The following LRMDA variants were observed in gnomAD, a reference collection of about 807,000 sequenced individuals.
The protein encoded by LRMDA is leucine-rich melanocyte differentiation-associated protein.
A neutral mutation model predicts 29.8 loss-of-function variants in LRMDA; 18 were observed. The observed-to-expected ratio is 0.60, with a 90% CI of 0.42 to 0.90. The LOEUF (loss-of-function observed/expected upper bound fraction) is 0.90, where lower values mean the gene tolerates loss of function less well. LRMDA is among the 40% of genes least tolerant of loss of function. The pLI is 0.00. For synonymous variants in LRMDA, 125 were observed against 109.4 expected (o/e 1.14, Z -0.89); for missense variants, 273 against 273.9 (o/e 1.00, Z 0.02).
chr10:75,884,245 TTGTGTG>T (rs57507869), intron 2 of LRMDA, among the ~76,000 whole-genome samples: 1,342 of 109,536 alleles, frequency 0.012, 15 homozygotes, highest in African/African-American at 0.039. Context: ...GCAGGCGACT[TTGTGTG>T]TGTGTGTGTG....
chr10:75,804,294 T>C (rs1843809168), intron 2 of LRMDA, among the ~76,000 whole-genome samples: 1 of 152,238 alleles, frequency 6.6e-6, no homozygotes. Context: ...CTTGGCTAAA[T>C]GATACACCTT....
At chr10:76,349,511 TATAATC>T (rs1288374426) in intron 6 of LRMDA, among the ~76,000 whole-genome samples, 8 of 152,148 alleles carry the variant, frequency 5.3e-5, no homozygotes, top group Non-Finnish European at 1.2e-4. Flanking sequence ...TATGTAGACT[TATAATC>T]ATACCTATTT....
intron 4 of LRMDA, among the ~76,000 whole-genome samples, chr10:76,050,115 C>A (rs1348328123): frequency 6.6e-6 from 1 of 152,178 alleles, no homozygotes; most frequent in Non-Finnish European, 1.5e-5. Flanking sequence ...AGGCATACAT[C>A]AAAACAAGTG....
chr10:76,310,014 A>C (rs1203059647), intron 5 of LRMDA, among the ~76,000 whole-genome samples: 1 of 152,234 alleles, frequency 6.6e-6, no homozygotes, highest in Non-Finnish European at 1.5e-5. Flanking sequence ...ATCATGTATG[A>C]CATGAAAAGA....
intron 5 of LRMDA, among the ~76,000 whole-genome samples, chr10:76,280,356 T>C (rs1008634936): frequency 1.3e-5 from 2 of 152,174 alleles, no homozygotes; most frequent in Non-Finnish European, 2.9e-5. Flanking sequence ...CTGGTTCAGC[T>C]TGGGGTAGGG....
At chr10:75,528,479 G>A (rs11001411) in intron 2 of LRMDA, among the ~76,000 whole-genome samples, 2,251 of 152,274 alleles carry the variant, frequency 0.015, 62 homozygotes, top group African/African-American at 0.052. Context: ...TGCCTCCTTG[G>A]CTGTTACGAC....
intron 2 of LRMDA, among the ~76,000 whole-genome samples, chr10:75,678,972 G>GT (rs1379361069): frequency 6.6e-6 from 1 of 152,134 alleles, no homozygotes; most frequent in Non-Finnish European, 1.5e-5. Context: ...CAACGAAAGA[G>GT]TCCCTGGGGC....
intron 2 of LRMDA, among the ~76,000 whole-genome samples, chr10:75,659,082 C>G (rs959777012): frequency 6.6e-5 from 10 of 152,344 alleles, no homozygotes; most frequent in Admixed American, 5.2e-4. Flanking sequence ...ACAGACCTGG[C>G]TCTTTGCTGA....
intron 6 of LRMDA, among the ~76,000 whole-genome samples, chr10:76,527,696 G>A (rs1589225921): frequency 6.6e-6 from 1 of 152,142 alleles, no homozygotes; most frequent in East Asian, 1.9e-4. Context: ...GTGATGCATA[G>A]AAAAAGCTCA....
chr10:75,747,198 CTTTTA>C (rs933961988), intron 2 of LRMDA, among the ~76,000 whole-genome samples: 2 of 151,956 alleles, frequency 1.3e-5, no homozygotes, highest in African/African-American at 4.8e-5. Context: ...TTTTTCGTAT[CTTTTA>C]TTAGCTGTAA....
intron 2 of LRMDA, among the ~76,000 whole-genome samples, chr10:75,509,598 G>A (rs568928894): frequency 6.6e-6 from 1 of 152,328 alleles, no homozygotes; most frequent in African/African-American, 2.4e-5. Context: ...GAGCCCCAGA[G>A]AGGTGGGTTG....
intron 2 of LRMDA, among the ~76,000 whole-genome samples, chr10:75,477,376 T>A (rs1256235488): frequency 2.0e-5 from 3 of 152,192 alleles, no homozygotes; most frequent in Non-Finnish European, 4.4e-5. Context: ...AACTGCAACA[T>A]ACAAATTTCT....
intron 2 of LRMDA, among the ~76,000 whole-genome samples, chr10:75,890,946 A>G (rs1267858745): frequency 6.6e-6 from 1 of 152,092 alleles, no homozygotes; most frequent in Admixed American, 6.5e-5. Context: ...TCTACTAAAA[A>G]TATGAAAATT....
chr10:76,158,864 C>G (rs1850591734), intron 5 of LRMDA, among the ~76,000 whole-genome samples: 1 of 152,012 alleles, frequency 6.6e-6, no homozygotes, highest in African/African-American at 2.4e-5. Flanking sequence ...ACAGAGATAT[C>G]TACTAATAGC....
chr10:75,847,152 A>G (rs1243719484), intron 2 of LRMDA, among the ~76,000 whole-genome samples: 1 of 152,218 alleles, frequency 6.6e-6, no homozygotes, highest in Non-Finnish European at 1.5e-5. Flanking sequence ...TGACATAAAG[A>G]CAGACACATA....
At chr10:76,450,565 G>A (rs1019801940) in intron 6 of LRMDA, among the ~76,000 whole-genome samples, 1 of 151,970 alleles carries the variant, frequency 6.6e-6, no homozygotes, top group Non-Finnish European at 1.5e-5. Flanking sequence ...TCCTTCCTCA[G>A]TAACACTTCA....
At chr10:76,460,662 C>A (rs947048328) in intron 6 of LRMDA, among the ~76,000 whole-genome samples, 3 of 152,184 alleles carry the variant, frequency 2.0e-5, no homozygotes, top group Admixed American at 1.3e-4. Context: ...GGTGGTCACA[C>A]AGAAGTGTAA....
At chr10:75,481,680 C>T (rs191453186) in intron 2 of LRMDA, among the ~76,000 whole-genome samples, 72 of 152,314 alleles carry the variant, frequency 4.7e-4, no homozygotes, top group South Asian at 4.4e-3. Context: ...TTTTCTTGCT[C>T]GGCATCTTTT....
chr10:75,439,306 G>A (rs770184163), intron 2 of LRMDA, among the ~76,000 whole-genome samples: 3 of 152,254 alleles, frequency 2.0e-5, no homozygotes, highest in Non-Finnish European at 2.9e-5. Context: ...TTTCCTCCAT[G>A]CCCTCCTTGA....
Sources: allele counts gnomAD v4.1 joint callset (sites outside exome capture counted in the v4.1 genomes callset), GRCh38; gene constraint gnomAD v4.1.1; transcripts MANE v1.5; gene names NCBI Gene and HGNC (gene_info 2026-07-23, HGNC 2026-07-21).